HSPA12A: variants seen among roughly 807,000 people sequenced by gnomAD.
HSPA12A encodes the protein heat shock 70 kDa protein 12A.
HSPA12A carries 28 observed loss-of-function variants against 69.2 expected under a neutral mutation model. The observed-to-expected ratio is 0.40, with a 90% CI of 0.30 to 0.55. HSPA12A has a LOEUF of 0.55. HSPA12A is among the 20% of genes least tolerant of loss of function. The pLI, the probability that HSPA12A is intolerant of heterozygous loss-of-function variation, is 0.38. For missense variants in HSPA12A, 686 were observed against 900.7 expected (o/e 0.76, Z 3.05); for synonymous variants, 345 against 370.5 (o/e 0.93, Z 0.79).
chr10:116,684,733 A>G lies in HSPA12A; in HGVS notation c.664-771T>C, dbSNP rs1849526453. On this transcript the variant is annotated intron_variant, in intron 6 of 11. Coordinates refer to ENST00000369209, the MANE Select transcript of HSPA12A (RefSeq NM_025015.3). ...ACATATATCACATATAGTAATAAAT[A>G]TTCCTTTAACAATCTGATCCCCAAG... 2.0e-5 allele frequency among the ~76,000 whole-genome samples: 3 copies of G among 152,204 alleles called. No individual in the cohort carries two copies. In the South Asian group the frequency reaches 6.2e-4, roughly 32 times the overall value.
chr10:116,740,937 A>T (rs374363067), intron 1 of HSPA12A, among the ~76,000 whole-genome samples: 1 of 97,410 alleles, frequency 1.0e-5, no homozygotes. Flanking sequence ...AAATTTTTTT[A>T]TTTTCTGACT....
chr10:116,749,517 AG>A (rs1851726182), intron 2 of HSPA12A, among the ~76,000 whole-genome samples: 1 of 152,266 alleles, frequency 6.6e-6, no homozygotes, highest in Admixed American at 6.5e-5. Context: ...TCTGAGCTCA[AG>A]AACACGTTTG....
chr10:116,741,007 G>C (rs115218974), intron 1 of HSPA12A, among the ~76,000 whole-genome samples: 1 of 146,676 alleles, frequency 6.8e-6, no homozygotes, highest in Non-Finnish European at 1.5e-5. Context: ...CAGTTGCTGA[G>C]TGATGTTCAG....
At position 116,742,544 on chromosome 10, in the gene HSPA12A, G is replaced by GTGCGGGTCTCTGTCCGCGTCCC. The variant is rs1851548862; in HGVS notation, c.-76_-75insGGGACGCGGACAGAGACCCGCA. The GTGCGGGTCTCTGTCCGCGTCCC allele has an allele frequency of 2.5e-6, 3 of 1,180,738 alleles. No homozygotes were observed. In the East Asian group the frequency reaches 1.1e-4, roughly 45 times the overall value. 73.1% of individuals were successfully genotyped at this position (1,180,738 alleles called of 1,614,324 possible). On this transcript the variant is annotated 5_prime_UTR_variant, in exon 1 of 12. Coordinates refer to ENST00000369209, the MANE Select transcript of HSPA12A (RefSeq NM_025015.3). ...CCCGTGCGGGTCTCTGTCCGCGTCC[G>GTGCGGGTCTCTGTCCGCGTCCC]CGGCGGCGCTCGGGCCGTGTCTGAG...
chr10:116,795,962 T>C (rs1249182300), intron 2 of HSPA12A, among the ~76,000 whole-genome samples: 2 of 149,948 alleles, frequency 1.3e-5, no homozygotes, highest in Admixed American at 6.6e-5. Flanking sequence ...CGGGCTAACA[T>C]GGTGAAACCT....
intron 1 of HSPA12A, among the ~76,000 whole-genome samples, chr10:116,721,080 T>C (rs1257562547): frequency 6.6e-6 from 1 of 152,244 alleles, no homozygotes; most frequent in African/African-American, 2.4e-5. Context: ...TACTTCTTAC[T>C]TTGTAAGTAC....
rs17095323 is a variant in HSPA12A at position 116,842,399 on chromosome 10, A to G, written c.3+7167T>C. Among the ~76,000 whole-genome samples the G allele has an allele frequency of 1.5e-3, 235 of 152,288 alleles. 6 individuals are homozygous for G. The East Asian group carries it at 0.036, about 24-fold the overall frequency. On this transcript the variant is annotated intron_variant, in intron 1 of 12. Transcript: ENST00000635765. Reference sequence around the variant, plus strand: ...ACCTTTAACATTTTCTTCACTCACAATAAGTACAATCATATTGTTTATTTT... The same window carrying G: ...ACCTTTAACATTTTCTTCACTCACAGTAAGTACAATCATATTGTTTATTTT...
intron 1 of HSPA12A, among the ~76,000 whole-genome samples, chr10:116,737,870 C>A (rs577269221): frequency 1.3e-5 from 2 of 152,274 alleles, no homozygotes; most frequent in South Asian, 2.1e-4. Context: ...ATCAGCAGGG[C>A]CCGCTTCAGT....
At chr10:116,711,334 G>T (rs117795408) in intron 1 of HSPA12A, among the ~76,000 whole-genome samples, 2 of 152,272 alleles carry the variant, frequency 1.3e-5, no homozygotes, top group Admixed American at 6.5e-5. Context: ...TCAACACCTC[G>T]ACACAAATAG....
intron 2 of HSPA12A, among the ~76,000 whole-genome samples, chr10:116,796,163 A>AAAAAAAAG (rs1414051045): frequency 1.2e-3 from 170 of 138,740 alleles, no homozygotes; most frequent in African/African-American, 4.1e-3. Flanking sequence ...AAAAAAAAAA[A>AAAAAAAAG]AAAGAAAGAA....
intron 6 of HSPA12A, among the ~76,000 whole-genome samples, chr10:116,688,235 C>G (rs1849635079): frequency 6.6e-6 from 1 of 152,126 alleles, no homozygotes; most frequent in African/African-American, 2.4e-5. Context: ...ACGAATGGAC[C>G]CACCAGCCCT....
intron 1 of HSPA12A, among the ~76,000 whole-genome samples, chr10:116,740,219 C>T (rs1319130376): frequency 4.6e-5 from 7 of 152,176 alleles, no homozygotes; most frequent in Admixed American, 4.6e-4. Context: ...ATAGGTCACT[C>T]AACCTGTGTT....
chr10:116,763,078 G>T (rs1307653235), intron 2 of HSPA12A, among the ~76,000 whole-genome samples: 1 of 152,048 alleles, frequency 6.6e-6, no homozygotes, highest in Admixed American at 6.5e-5. Flanking sequence ...CTACATCATG[G>T]TCACCTCTAG....
chr10:116,849,653 G>T, exon 1 of HSPA12A: 1 of 1,550,262 alleles, frequency 6.5e-7, no homozygotes, highest in Non-Finnish European at 8.7e-7. Flanking sequence ...ACTACCGGGA[G>T]AACGACGTTC....
chr10:116,742,146 G>A (rs1232144023), intron 1 of HSPA12A, among the ~76,000 whole-genome samples: 2 of 151,954 alleles, frequency 1.3e-5, no homozygotes, highest in Non-Finnish European at 2.9e-5. Flanking sequence ...CGCCACCCGA[G>A]GCAGGGACCA....
rs1431308767 is a variant in HSPA12A, at chr10:116,686,680, A to C, written c.664-2718T>G. On this transcript the variant is annotated intron_variant, in intron 6 of 11. Coordinates refer to ENST00000369209, the MANE Select transcript of HSPA12A (RefSeq NM_025015.3). This position sits in a 1 kb window ranked among gnomAD's most constrained non-coding sequence, Gnocchi z 4.1. ...GGGCCTGGGCCACGGCAGCAGGGAC[A>C]GGGATGGGAAGGGAGAAAGGGTGGC... is the stretch of plus-strand genomic sequence containing the variant. Among the ~76,000 whole-genome samples, 1 of 152,162 alleles carries C rather than the reference A, an allele frequency of 6.6e-6. No homozygotes were observed. Among genetic ancestry groups the C allele is most frequent in the Non-Finnish European group, 1.5e-5 (1 of 68,020 alleles).
intron 2 of HSPA12A, among the ~76,000 whole-genome samples, chr10:116,794,719 A>G (rs979196763): frequency 6.6e-6 from 1 of 152,170 alleles, no homozygotes; most frequent in Non-Finnish European, 1.5e-5. Context: ...AGGCTGAGGC[A>G]GGAGAATTGC....
chr10:116,775,527 G>C (rs540531241), intron 2 of HSPA12A, among the ~76,000 whole-genome samples: 4 of 152,272 alleles, frequency 2.6e-5, no homozygotes, highest in African/African-American at 9.6e-5. Flanking sequence ...GGTCAGTTCT[G>C]TCTGTTCCCA....
intron 1 of HSPA12A, among the ~76,000 whole-genome samples, chr10:116,840,024 CT>C (rs900455960): frequency 1.3e-5 from 2 of 151,882 alleles, no homozygotes; most frequent in African/African-American, 2.4e-5. Flanking sequence ...AAAGCCAGGT[CT>C]TTTTAGTTAA....
Sources: allele counts gnomAD v4.1 joint callset (sites outside exome capture counted in the v4.1 genomes callset), GRCh38; gene constraint gnomAD v4.1.1; non-coding constraint Gnocchi (gnomAD v3.1); transcripts MANE v1.5; gene names NCBI Gene and HGNC (gene_info 2026-07-23, HGNC 2026-07-21).